APBA1: variants seen among roughly 807,000 people sequenced by gnomAD.
APBA1 encodes the protein amyloid beta precursor protein binding family A member 1.
A neutral mutation model predicts 86.6 loss-of-function variants in APBA1; 55 were observed. The observed-to-expected ratio is 0.64, with a 90% CI of 0.51 to 0.80. The LOEUF (loss-of-function observed/expected upper bound fraction) is 0.80, where lower values mean the gene tolerates loss of function less well. APBA1 is among the 30% of genes least tolerant of loss of function. The pLI is 0.00. For missense variants in APBA1, 1,090 were observed against 1,183.0 expected (o/e 0.92, Z 1.15); for synonymous variants, 511 against 493.9 (o/e 1.03, Z -0.46).
intron 3 of APBA1, 122 bp downstream of exon 3, chr9:69,475,926 G>C (rs1835437221): frequency 1.3e-6 from 1 of 780,940 alleles, no homozygotes; most frequent in Admixed American, 2.0e-5. Flanking sequence ...GAGAAATCAG[G>C]ATTGTTCTCA....
intron 10 of APBA1, 117 bp from the exon 11 acceptor site, chr9:69,441,232 C>T: frequency 3.1e-6 from 4 of 1,269,970 alleles, no homozygotes; most frequent in African/African-American, 1.5e-5. Context: ...GGACCCACTG[C>T]CTGCTTGCCT....
At chr9:69,498,169 C>T (rs1321986606) in intron 2 of APBA1, among the ~76,000 whole-genome samples, 3 of 152,200 alleles carry the variant, frequency 2.0e-5, no homozygotes, top group East Asian at 1.9e-4. Context: ...CCATGACTTC[C>T]ATCTTGCTAC....
At chr9:69,495,849 G>A (rs1415885188) in intron 2 of APBA1, among the ~76,000 whole-genome samples, 1 of 152,044 alleles carries the variant, frequency 6.6e-6, no homozygotes, top group Non-Finnish European at 1.5e-5. Flanking sequence ...GGCATGTGGT[G>A]CGAGCCTGGA....
chr9:69,563,749 T>C (rs1253701612), intron 1 of APBA1, among the ~76,000 whole-genome samples: 3 of 152,168 alleles, frequency 2.0e-5, no homozygotes, highest in Admixed American at 2.0e-4. Flanking sequence ...CACTTTATGG[T>C]TCCTGACACT....
At chr9:69,513,343 A>C (rs1168288584) in intron 2 of APBA1, among the ~76,000 whole-genome samples, 6 of 152,218 alleles carry the variant, frequency 3.9e-5, no homozygotes, top group Non-Finnish European at 5.9e-5. Flanking sequence ...TGCAGGGGCA[A>C]TTGGTTAAGC....
At chr9:69,594,453 T>G (rs766000701) in intron 1 of APBA1, among the ~76,000 whole-genome samples, 1 of 152,140 alleles carries the variant, frequency 6.6e-6, no homozygotes, top group Non-Finnish European at 1.5e-5. Context: ...CTATCCAGGT[T>G]ACTATTTCCC....
At chr9:69,446,279 C>A (rs944930458) in intron 10 of APBA1, among the ~76,000 whole-genome samples, 1 of 151,614 alleles carries the variant, frequency 6.6e-6, no homozygotes, top group Admixed American at 6.6e-5. Context: ...GGTCCACGGA[C>A]GGACCATCAC....
At chr9:69,575,550 C>A (rs1335443784) in intron 1 of APBA1, among the ~76,000 whole-genome samples, 1 of 152,070 alleles carries the variant, frequency 6.6e-6, no homozygotes, top group Non-Finnish European at 1.5e-5. Flanking sequence ...AGAAATAATG[C>A]CGCATATCTA....
At chr9:69,544,436 C>T (rs2133921399) in intron 1 of APBA1, among the ~76,000 whole-genome samples, 1 of 152,280 alleles carries the variant, frequency 6.6e-6, no homozygotes, top group South Asian at 2.1e-4. Context: ...ATATAACATA[C>T]TCCCATGCAG....
chr9:69,490,164 T>A (rs951303108), intron 2 of APBA1, among the ~76,000 whole-genome samples: 1 of 152,096 alleles, frequency 6.6e-6, no homozygotes, highest in Admixed American at 6.5e-5. Context: ...GATGAGTTCA[T>A]GTCCTTTGTA....
chr9:69,637,157 G>A (rs988756718), intron 1 of APBA1, among the ~76,000 whole-genome samples: 4 of 151,930 alleles, frequency 2.6e-5, no homozygotes, highest in African/African-American at 4.8e-5. Context: ...TTTTCTGGGA[G>A]ATAAAAATTA....
intron 2 of APBA1, among the ~76,000 whole-genome samples, chr9:69,515,690 T>TGGGGGGGG (rs60382603): frequency 7.2e-5 from 8 of 110,804 alleles, no homozygotes; most frequent in African/African-American, 1.6e-4. Flanking sequence ...AATCAGAAAC[T>TGGGGGGGG]GGGGGGGGGG....
intron 1 of APBA1, among the ~76,000 whole-genome samples, chr9:69,626,236 A>C (rs767775712): frequency 1.3e-5 from 2 of 152,168 alleles, no homozygotes; most frequent in Non-Finnish European, 2.9e-5. Context: ...ACAAGCATGG[A>C]CCAAAAAGTA....
chr9:69,640,689 C>T (rs1823269107), intron 1 of APBA1, among the ~76,000 whole-genome samples: 1 of 152,026 alleles, frequency 6.6e-6, no homozygotes, highest in African/African-American at 2.4e-5. Context: ...AACATATACA[C>T]TCACCATCTC....
chr9:69,579,830 A>C (rs1445095092), intron 1 of APBA1, among the ~76,000 whole-genome samples: 1 of 152,206 alleles, frequency 6.6e-6, no homozygotes, highest in Non-Finnish European at 1.5e-5. Context: ...CCAATTTGGA[A>C]ATAGATCTAA....
chr9:69,453,662 T>G (rs1216004384), intron 8 of APBA1, among the ~76,000 whole-genome samples: 1 of 152,212 alleles, frequency 6.6e-6, no homozygotes, highest in Non-Finnish European at 1.5e-5. Flanking sequence ...AATTCAAAAC[T>G]TTTCCAATTT....
intron 1 of APBA1, among the ~76,000 whole-genome samples, chr9:69,633,687 TG>T (rs1271961920): frequency 6.6e-6 from 1 of 152,198 alleles, no homozygotes; most frequent in Non-Finnish European, 1.5e-5. Flanking sequence ...ACCATGCCCT[TG>T]AGAACAAGTT....
At chr9:69,646,563 TC>T (rs1823394295) in intron 1 of APBA1, among the ~76,000 whole-genome samples, 1 of 152,008 alleles carries the variant, frequency 6.6e-6, no homozygotes, top group Non-Finnish European at 1.5e-5. Flanking sequence ...TCGGAGGAAG[TC>T]CTAGACAAGC....
rs1275791440 is a variant in APBA1, at chr9:69,430,414, G to C, written c.*913C>G. 1 of 152,220 alleles carries C rather than the reference G, an allele frequency of 6.6e-6. No individual in the cohort carries two copies. The highest frequency in any genetic ancestry group is 2.4e-5 in the African/African-American group (1 of 41,438). The allele number at this position is 152,220 out of a possible 1,614,324, so 9.4% of individuals were successfully genotyped here. A position where few individuals can be genotyped will look rare whatever the true frequency, so the allele number is the denominator to read the frequency against. ...CTCAGGATGAGGCTGAGCAGCCCCC[G>C]CCTGCCTGGCCACCTGCCAGGGAAG... On this transcript the variant is annotated 3_prime_UTR_variant, in exon 13 of 13. Coordinates refer to ENST00000265381, the MANE Select transcript of APBA1 (RefSeq NM_001163.4).
Sources: gnomAD v4.1 joint callset for allele counts (sites outside exome capture counted in the v4.1 genomes callset) on GRCh38, gnomAD v4.1.1 for gene constraint, MANE v1.5 for transcripts, NCBI Gene and HGNC (gene_info 2026-07-23, HGNC 2026-07-21) for gene names.